Variants in EML1 observed in about 807,000 individuals in gnomAD.
EML1 encodes EMAP like 1, also known as echinoderm microtubule-associated protein-like 1.
In EML1, 27 loss-of-function variants were observed where a neutral mutation model predicts 110.4. The observed-to-expected ratio is 0.24, with a 90% CI of 0.18 to 0.34. The LOEUF (loss-of-function observed/expected upper bound fraction) is 0.34, where lower values mean the gene tolerates loss of function less well. Among genes scored for constraint, EML1 ranks in the 10% least tolerant of loss-of-function variants. The pLI, the probability that EML1 is intolerant of heterozygous loss-of-function variation, is 1.00. For missense variants in EML1, 741 were observed against 1,030.9 expected (o/e 0.72, Z 3.85); for synonymous variants, 344 against 385.8 (o/e 0.89, Z 1.27).
chr14:99,802,762 T>C (rs1006774568), intron 1 of EML1, among the ~76,000 whole-genome samples: 11 of 152,020 alleles, frequency 7.2e-5, no homozygotes, highest in African/African-American at 2.7e-4. Context: ...GGGAGATGGC[T>C]GGGCTGGACA....
chr14:99,801,447 C>G (rs1446061050), intron 1 of EML1, among the ~76,000 whole-genome samples: 1 of 152,030 alleles, frequency 6.6e-6, no homozygotes, highest in East Asian at 1.9e-4. Context: ...AACCCCGTCT[C>G]TACTAAAAAT....
intron 1 of EML1, among the ~76,000 whole-genome samples, chr14:99,808,592 T>A (rs377421167): frequency 6.6e-6 from 1 of 152,196 alleles, no homozygotes; most frequent in East Asian, 1.9e-4. Context: ...TTTTTCTATT[T>A]TTGTTCAAAA....
At chr14:99,823,607 T>C (rs1386723256) in intron 1 of EML1, among the ~76,000 whole-genome samples, 1 of 152,092 alleles carries the variant, frequency 6.6e-6, no homozygotes, top group Non-Finnish European at 1.5e-5. Flanking sequence ...CCTGCGTAGA[T>C]TGAGTGTCTC....
intron 1 of EML1, among the ~76,000 whole-genome samples, chr14:99,834,159 C>T (rs933899959): frequency 1.3e-4 from 20 of 152,092 alleles, no homozygotes. Flanking sequence ...ATTTATTGAC[C>T]TGATTACCTC....
chr14:99,888,959 G>C (rs1237197922), intron 4 of EML1, among the ~76,000 whole-genome samples: 1 of 152,172 alleles, frequency 6.6e-6, no homozygotes, highest in Non-Finnish European at 1.5e-5. Flanking sequence ...GACGCACTCC[G>C]CTTTTCCCCA....
intron 17 of EML1, 121 bp downstream of exon 17, chr14:99,920,998 C>A: frequency 1.1e-6 from 1 of 879,506 alleles, no homozygotes; most frequent in Non-Finnish European, 1.7e-6. Context: ...GGTGGTTTAA[C>A]GCACAGATCA....
intron 1 of EML1, among the ~76,000 whole-genome samples, chr14:99,794,622 TATC>T (rs1335482429): frequency 1.3e-5 from 2 of 152,250 alleles, no homozygotes; most frequent in Non-Finnish European, 2.9e-5. Flanking sequence ...TGGTGAAATT[TATC>T]ATCTTGTTCA....
intron 1 of EML1, among the ~76,000 whole-genome samples, chr14:99,813,999 G>A (rs1256943378): frequency 2.6e-5 from 4 of 152,100 alleles, no homozygotes; most frequent in Non-Finnish European, 5.9e-5. Flanking sequence ...TCAGAGCAGT[G>A]CAAATTGCAA....
intron 2 of EML1, 86 bp downstream of exon 2, chr14:99,851,121 A>T: frequency 7.2e-7 from 1 of 1,390,422 alleles, no homozygotes. Context: ...GCTCTTTAAT[A>T]TTGACAGAGA....
At chr14:99,903,279 C>T (rs2059790187) in intron 9 of EML1, among the ~76,000 whole-genome samples, 2 of 152,170 alleles carry the variant, frequency 1.3e-5, no homozygotes, top group African/African-American at 4.8e-5. Flanking sequence ...AACTCCTGTT[C>T]TGCTTGATAT....
At chr14:99,927,445 T>C (rs970371756) in intron 17 of EML1, among the ~76,000 whole-genome samples, 3 of 152,316 alleles carry the variant, frequency 2.0e-5, no homozygotes, top group African/African-American at 4.8e-5. Flanking sequence ...GCTGTATATG[T>C]GTTGCTGTAT....
intron 1 of EML1, among the ~76,000 whole-genome samples, chr14:99,807,144 G>A (rs1341463941): frequency 2.0e-5 from 3 of 152,120 alleles, no homozygotes; most frequent in South Asian, 4.1e-4. Context: ...ACGTGCAGAC[G>A]AATAATGAAC....
intron 1 of EML1, among the ~76,000 whole-genome samples, chr14:99,743,393 C>G (rs2057066910): frequency 6.6e-6 from 1 of 152,190 alleles, no homozygotes; most frequent in Non-Finnish European, 1.5e-5. Flanking sequence ...TGGATAGTAG[C>G]TTCGAGTGGC....
rs1388504773 is a variant in EML1, at chr14:99,941,607, A to G, written c.*1495A>G. 1 of 152,214 alleles carries G rather than the reference A, an allele frequency of 6.6e-6. No individual in the cohort carries two copies. Among genetic ancestry groups the G allele is most frequent in the Non-Finnish European group, 1.5e-5 (1 of 68,032 alleles). The allele number at this position is 152,214 out of a possible 1,614,324, so 9.4% of individuals were successfully genotyped here. On this transcript the variant is annotated 3_prime_UTR_variant, in exon 22 of 22. Coordinates refer to ENST00000262233, the MANE Select transcript of EML1 (RefSeq NM_004434.3). ...TTTAAAATTAGATATGATTCACACT[A>G]TATTCTGTTTCATATGCAGATTTTA... is the stretch of plus-strand genomic sequence containing the variant.
intron 1 of EML1, among the ~76,000 whole-genome samples, chr14:99,761,479 C>T (rs954153962): frequency 6.6e-6 from 1 of 152,144 alleles, no homozygotes; most frequent in African/African-American, 2.4e-5. Context: ...GGCTGCCCTT[C>T]CCAAGGAGAG....
At chr14:99,747,885 C>A (rs570997246) in intron 1 of EML1, among the ~76,000 whole-genome samples, 1 of 152,194 alleles carries the variant, frequency 6.6e-6, no homozygotes, top group Admixed American at 6.5e-5. Context: ...AAAGCCACCC[C>A]CTCCTGGACT....
chr14:99,928,463 T>G (rs1012272334), intron 17 of EML1, among the ~76,000 whole-genome samples: 3 of 152,014 alleles, frequency 2.0e-5, no homozygotes, highest in East Asian at 3.9e-4. Context: ...CCTCCTTCCT[T>G]TTTCATCTGA....
intron 9 of EML1, among the ~76,000 whole-genome samples, chr14:99,904,396 A>C (rs987689994): frequency 6.6e-6 from 1 of 152,214 alleles, no homozygotes; most frequent in Admixed American, 6.5e-5. Context: ...CCACATTTCC[A>C]TGCCTTCTTA....
chr14:99,931,467 A>C (rs2060366289), intron 17 of EML1, among the ~76,000 whole-genome samples: 2 of 152,246 alleles, frequency 1.3e-5, no homozygotes, highest in Non-Finnish European at 2.9e-5. Flanking sequence ...GTGAGCAATC[A>C]GTAGAAAACA....
Sources: gnomAD v4.1 joint callset for allele counts (sites outside exome capture counted in the v4.1 genomes callset) on GRCh38, gnomAD v4.1.1 for gene constraint, MANE v1.5 for transcripts, NCBI Gene and HGNC (gene_info 2026-07-23, HGNC 2026-07-21) for gene names.